The following RPS6 variants were observed in gnomAD, a reference collection of about 807,000 sequenced individuals.
RPS6 encodes ribosomal protein S6, also known as small ribosomal subunit protein eS6.
A neutral mutation model predicts 27.1 loss-of-function variants in RPS6; 1 was observed. The observed-to-expected ratio is 0.04, with a 90% CI of 0.01 to 0.18. The LOEUF is 0.18. RPS6 is among the 10% of genes least tolerant of loss of function. The pLI is 1.00. For synonymous variants in RPS6, 152 were observed against 106.0 expected (o/e 1.43, Z -2.66); for missense variants, 259 against 319.1 (o/e 0.81, Z 1.44).
Position 19,379,743 on chromosome 9 carries a change from A to C in RPS6, c.7-125T>G, listed in dbSNP as rs140661033. On this transcript the variant is annotated intron_variant, in intron 1 of 5. Coordinates refer to ENST00000380394, the MANE Select transcript of RPS6 (RefSeq NM_001010.3). ...TGCCTCCACACAAGCAGGAAATATA[A>C]GATGCCGACTGTACTCACTAAAAGC... 5.3e-4 allele frequency: 795 copies of C among 1,503,674 alleles called. 5 individuals carry two copies. The African/African-American group carries it at 0.01, about 20-fold the overall frequency. 93.1% of individuals were successfully genotyped at this position (1,503,674 alleles called of 1,614,324 possible).
At chr9:19,378,652 T>C in intron 3 of RPS6, 56 bp downstream of exon 3, 1 of 1,596,912 alleles carries the variant, frequency 6.3e-7, no homozygotes, top group Non-Finnish European at 8.6e-7. Flanking sequence ...GAATAAGCAT[T>C]TGGACAACTG....
Position 19,378,892 on chromosome 9 carries a change from C to G in RPS6, c.165G>C (p.Gly55=). 6.2e-7 allele frequency: 1 copy of G among 1,614,118 alleles called. No individual in the cohort carries two copies. The highest frequency in any genetic ancestry group is 2.2e-5 in the East Asian group (1 of 44,886). The change falls in exon 3 of 6, where the codon GGG becomes GGC. Residue 55 remains glycine (G), a synonymous_variant. Transcript: ENST00000380394. Reference sequence around the variant, plus strand: ...TCATGGGGAAACCTTGTTTGTCGTTCCCACCACTGATTCGGACCACATAAC... The same window carrying G: ...TCATGGGGAAACCTTGTTTGTCGTTGCCACCACTGATTCGGACCACATAAC... ...WKGYVVRISG[G]NDKQGFPMKQ...
At chr9:19,379,210 G>T in intron 2 of RPS6, 2 of 1,129,710 alleles carry the variant, frequency 1.8e-6, no homozygotes, top group Non-Finnish European at 1.2e-6. Flanking sequence ...AACCCTTTTT[G>T]GCACTTTGGG....
At position 19,376,562 on chromosome 9, in the gene RPS6, T is replaced by G. The variant is rs1303523870; in HGVS notation, c.586A>C (p.Lys196Gln). ...QHKRRRIALK[K>Q]QRTKKNKEEA... Reference sequence around the variant, plus strand: ...TCTTTATTTTTCTTGGTACGCTGCTTCTTCAGAGCAATACGCCGCCGTTTG... The same window carrying G: ...TCTTTATTTTTCTTGGTACGCTGCTGCTTCAGAGCAATACGCCGCCGTTTG... Residue 196 changes from lysine to glutamine, a missense_variant, in exon 5 of 6, where the codon AAG (lysine) becomes CAG (glutamine). Physicochemically the swap from Lys to Gln is moderately conservative, Grantham distance 53. Around this residue, in one of 3 missense-constraint regions of RPS6, gnomAD observed 191 missense variants for 231.6 expected, o/e 0.82. Coordinates refer to ENST00000380394, the MANE Select transcript of RPS6 (RefSeq NM_001010.3). The G allele has an allele frequency of 1.9e-6, 3 of 1,614,184 alleles. No individual in the cohort carries two copies. Among genetic ancestry groups the G allele is most frequent in the Non-Finnish European group, 2.5e-6 (3 of 1,180,042 alleles).
chr9:19,378,229 C>T (rs531955391), intron 4 of RPS6, 139 bp downstream of exon 4: 6 of 779,128 alleles, frequency 7.7e-6, no homozygotes, highest in East Asian at 2.7e-5. Flanking sequence ...TGCTGGCCAC[C>T]CCCAAATATT....
At chr9:19,379,863 G>T in intron 1 of RPS6, 1 of 1,422,576 alleles carries the variant, frequency 7.0e-7, no homozygotes, top group South Asian at 1.6e-5. Context: ...AGGGCACTCC[G>T]CAGCCGTTCA....
rs1382504691 is a variant in RPS6 at position 19,378,925 on chromosome 9, G to A, written c.139-7C>T. On this transcript the variant is annotated splice_region_variant and splice_polypyrimidine_tract_variant and intron_variant, in intron 2 of 5. Transcript: ENST00000380394. ...TGATTCGGACCACATAACCCTGCAAGAGCATACAATGAATGACACATTTAC... is the reference window on the plus strand; with the variant it reads ...TGATTCGGACCACATAACCCTGCAAAAGCATACAATGAATGACACATTTAC... 16 of 1,613,298 alleles carry A rather than the reference G, an allele frequency of 9.9e-6. No homozygotes were observed. Among genetic ancestry groups the A allele is most frequent in the African/African-American group, 2.7e-5 (2 of 74,898 alleles).
In RPS6 at chr9:19,380,228, G is replaced by A. The variant is rs771826675; in HGVS notation, c.-33C>T. The A allele has an allele frequency of 7.4e-6, 12 of 1,611,780 alleles. No homozygotes were observed. The highest frequency in any genetic ancestry group is 6.7e-5 in the African/African-American group (5 of 74,854). ...CAGCTGAACGCCTCCGAGGCGCCAC[G>A]GAAAAGAGGGCCAACTTCCGCTTAG... On this transcript the variant is annotated 5_prime_UTR_variant, in exon 1 of 6. Transcript: ENST00000380394.
At chr9:19,377,204 A>T (rs1296639083) in intron 4 of RPS6, among the ~76,000 whole-genome samples, 1 of 152,172 alleles carries the variant, frequency 6.6e-6, no homozygotes, top group Admixed American at 6.5e-5. Context: ...TATTTGTTTC[A>T]TGGACACTTT....
chr9:19,376,644 T>C lies in RPS6; in HGVS notation c.504A>G (p.Lys168=), dbSNP rs1231831286. 5 of 1,600,664 alleles carry C rather than the reference T, an allele frequency of 3.1e-6. No individual in the cohort carries two copies. Among genetic ancestry groups the C allele is most frequent in the Non-Finnish European group, 4.2e-6 (5 of 1,176,832 alleles). ...GAATCTTGGGTGCTTTGGTCCTAGG[T>C]TTCTTACCTAAAAATTCAAAGGACT... is the stretch of plus-strand genomic sequence containing the variant. ...VRKPLNKEGK[K]PRTKAPKIQR... is the part of the protein sequence containing the mutation. The change falls in exon 5 of 6, where the codon AAA becomes AAG. Residue 168 remains lysine, a synonymous_variant. Transcript: ENST00000380394.
Position 19,380,172 on chromosome 9 carries a change from C to G in RPS6, c.6+18G>C, listed in dbSNP as rs368693979. The stretch of plus-strand genomic sequence containing the variant: ...CACGTTCCCCAAACCCAGTCTAACA[C>G]TCGCCACCATCACCTACCTTCATCT... On this transcript the variant is annotated intron_variant, in intron 1 of 5. Transcript: ENST00000380394. The G allele has an allele frequency of 1.9e-6, 3 of 1,614,198 alleles. No individual in the cohort carries two copies. The highest frequency in any genetic ancestry group is 3.3e-5 in the Admixed American group (2 of 60,020).
intron 2 of RPS6, chr9:19,379,208 T>C (rs1829638866): frequency 2.7e-6 from 3 of 1,122,080 alleles, no homozygotes; most frequent in African/African-American, 3.2e-5. Context: ...ACAACCCTTT[T>C]TGGCACTTTG....
chr9:19,376,462 C>T (rs781663589), intron 5 of RPS6, 32 bp downstream of exon 5: 1 of 1,610,638 alleles, frequency 6.2e-7, no homozygotes, highest in South Asian at 1.1e-5. Context: ...AGGTCGAACT[C>T]CTCCCACCCC....
intron 2 of RPS6, 24 bp from the exon 3 acceptor site, chr9:19,378,942 C>T: frequency 7.5e-6 from 12 of 1,606,266 alleles, no homozygotes; most frequent in Non-Finnish European, 1.0e-5. Context: ...CAATGAATGA[C>T]ACATTTACTA....
chr9:19,378,200 G>A (rs374569783), intron 4 of RPS6, among the ~76,000 whole-genome samples, 168 bp downstream of exon 4: 1 of 152,224 alleles, frequency 6.6e-6, no homozygotes, highest in Middle Eastern at 3.4e-3. Context: ...AATAAGCAAG[G>A]ATTAACACCA....
chr9:19,380,013 G>A (rs1829653131), intron 1 of RPS6, 177 bp downstream of exon 1: 3 of 1,493,286 alleles, frequency 2.0e-6, no homozygotes, highest in Middle Eastern at 3.6e-4. Context: ...AGCCGCAATC[G>A]CCTGCCATCC....
rs779071874 is a variant in RPS6, at chr9:19,380,233, A to AT, written c.-39_-38insA. 6.2e-7 allele frequency: 1 copy of AT among 1,610,280 alleles called. No homozygotes were observed. The highest frequency in any genetic ancestry group is 2.2e-5 in the East Asian group (1 of 44,850). On this transcript the variant is annotated 5_prime_UTR_variant, in exon 1 of 6. Coordinates refer to ENST00000380394, the MANE Select transcript of RPS6 (RefSeq NM_001010.3). ...GAACGCCTCCGAGGCGCCACGGAAA[A>AT]GAGGGCCAACTTCCGCTTAGCGCAG... is the stretch of plus-strand genomic sequence containing the variant.
intron 1 of RPS6, 162 bp downstream of exon 1, chr9:19,380,028 G>A (rs1829653355): frequency 2.6e-6 from 4 of 1,531,328 alleles, no homozygotes; most frequent in Non-Finnish European, 3.5e-6. Flanking sequence ...CCATCCGTTC[G>A]GCCAAAAAGC....
intron 3 of RPS6, 61 bp downstream of exon 3, chr9:19,378,647 A>C (rs1829628443): frequency 1.3e-6 from 2 of 1,580,858 alleles, no homozygotes; most frequent in Non-Finnish European, 1.7e-6. Flanking sequence ...CAAATGAATA[A>C]GCATTTGGAC....
Sources: allele counts gnomAD v4.1 joint callset (sites outside exome capture counted in the v4.1 genomes callset), GRCh38; gene constraint gnomAD v4.1.1; regional missense constraint gnomAD v4.1.1; transcripts MANE v1.5; gene names NCBI Gene and HGNC (gene_info 2026-07-23, HGNC 2026-07-21).